Variants in LSM3 observed in about 807,000 individuals in gnomAD.
LSM3 encodes the protein U6 snRNA-associated Sm-like protein LSm3.
In LSM3, 14 loss-of-function variants were observed where a neutral mutation model predicts 15.4. The observed-to-expected ratio is 0.91, with a 90% CI of 0.60 to 1.42. The LOEUF (loss-of-function observed/expected upper bound fraction) is 1.42, where lower values mean the gene tolerates loss of function less well. LSM3 is among the 40% of genes most tolerant of loss of function. The probability of loss-of-function intolerance (pLI) is 0.00; values close to 1 mark genes in which losing one functional copy is unlikely to be tolerated. For synonymous variants in LSM3, 46 were observed against 45.1 expected (o/e 1.02, Z -0.08); for missense variants, 88 against 127.9 (o/e 0.69, Z 1.50).
intron 2 of LSM3, among the ~76,000 whole-genome samples, chr3:14,182,929 C>T (rs528384867): frequency 8.8e-4 from 134 of 152,230 alleles, no homozygotes; most frequent in South Asian, 1.7e-3. Context: ...AGATAAAGAA[C>T]CTCTGGGCTT....
intron 1 of LSM3, 117 bp downstream of exon 1, chr3:14,178,998 A>G: frequency 8.8e-7 from 1 of 1,142,796 alleles, no homozygotes; most frequent in Non-Finnish European, 1.3e-6. Context: ...GGCCTAATCC[A>G]CCCTGTCCTT....
At chr3:14,187,327 C>T (rs1049000085) in intron 3 of LSM3, among the ~76,000 whole-genome samples, 5 of 152,312 alleles carry the variant, frequency 3.3e-5, no homozygotes, top group East Asian at 1.9e-4. Flanking sequence ...CTGCGTGCTG[C>T]GTGCATGTGG....
intron 3 of LSM3, among the ~76,000 whole-genome samples, chr3:14,190,574 C>G (rs955507577): frequency 2.6e-5 from 4 of 152,260 alleles, no homozygotes; most frequent in African/African-American, 9.6e-5. Flanking sequence ...TGGGAGTTCA[C>G]TCATAATTTG....
intron 3 of LSM3, among the ~76,000 whole-genome samples, chr3:14,191,412 CT>C (rs1332608515): frequency 6.6e-6 from 1 of 152,126 alleles, no homozygotes; most frequent in Non-Finnish European, 1.5e-5. Flanking sequence ...CTGTCTGGTC[CT>C]GGACTTTTTT....
At chr3:14,193,879 AGCCTTTTTGT>A (rs1312947003) in intron 3 of LSM3, among the ~76,000 whole-genome samples, 4 of 152,152 alleles carry the variant, frequency 2.6e-5, no homozygotes, top group Admixed American at 2.0e-4. Context: ...TGGAATTTTC[AGCCTTTTTGT>A]GCTGGTTTTT....
At chr3:14,180,916 T>C (rs1697032144) in intron 1 of LSM3, among the ~76,000 whole-genome samples, 1 of 141,764 alleles carries the variant, frequency 7.1e-6, no homozygotes, top group African/African-American at 2.6e-5. Context: ...AGTGGCACGA[T>C]CTTGGCTCAC....
intron 3 of LSM3, among the ~76,000 whole-genome samples, chr3:14,185,423 CTA>C (rs1428721422): frequency 6.6e-6 from 1 of 152,098 alleles, no homozygotes; most frequent in Non-Finnish European, 1.5e-5. Context: ...TGAACAATAA[CTA>C]TTTTCTAAAA....
intron 1 of LSM3, among the ~76,000 whole-genome samples, chr3:14,180,956 A>G (rs932211212): frequency 4.7e-5 from 7 of 148,562 alleles, no homozygotes; most frequent in African/African-American, 1.5e-4. Context: ...GGCTCAAGCA[A>G]TCCTCCCACC....
rs908657885 is a variant in LSM3, at chr3:14,198,968, A to C, written c.*852A>C. The C allele has an allele frequency of 1.3e-5, 2 of 152,192 alleles. No homozygotes were observed. The highest frequency in any genetic ancestry group is 2.9e-5 in the Non-Finnish European group (2 of 68,052). 9.4% of individuals were successfully genotyped at this position (152,192 alleles called of 1,614,324 possible). Reference sequence around the variant, plus strand: ...GCTGATAGAATCATGCACATGCAGGATGCCATAGGAGCATGGGGAAGAGCA... The same window carrying C: ...GCTGATAGAATCATGCACATGCAGGCTGCCATAGGAGCATGGGGAAGAGCA... On this transcript the variant is annotated 3_prime_UTR_variant, in exon 4 of 4. Coordinates refer to ENST00000306024, the MANE Select transcript of LSM3 (RefSeq NM_014463.3).
At chr3:14,196,166 C>G (rs1336699756) in intron 3 of LSM3, among the ~76,000 whole-genome samples, 1 of 151,884 alleles carries the variant, frequency 6.6e-6, no homozygotes, top group East Asian at 1.9e-4. Flanking sequence ...ACCGTGTTAG[C>G]CAGGATGGTC....
At chr3:14,197,378 A>G (rs778422747) in intron 3 of LSM3, among the ~76,000 whole-genome samples, 6 of 152,248 alleles carry the variant, frequency 3.9e-5, no homozygotes, top group Non-Finnish European at 7.3e-5. Context: ...TATTTTGCCA[A>G]GGCATAATAT....
Position 14,200,189 on chromosome 3 carries a change from A to G in LSM3, c.*2073A>G, listed in dbSNP as rs1697221920. The G allele has an allele frequency of 6.6e-6, 1 of 152,168 alleles. No individual in the cohort carries two copies. Among genetic ancestry groups the G allele is most frequent in the South Asian group, 2.1e-4 (1 of 4,832 alleles). 9.4% of individuals were successfully genotyped at this position (152,168 alleles called of 1,614,324 possible). A position where few individuals can be genotyped will look rare whatever the true frequency, so the allele number is the denominator to read the frequency against. The stretch of plus-strand genomic sequence containing the variant: ...ATGCACACACAACTAAAACATACCA[A>G]CCTACTTCATTTCCTAGCTGCTAAG... On this transcript the variant is annotated 3_prime_UTR_variant, in exon 4 of 4. Coordinates refer to ENST00000306024, the MANE Select transcript of LSM3 (RefSeq NM_014463.3).
chr3:14,185,380 A>T (rs559752115), intron 3 of LSM3, among the ~76,000 whole-genome samples: 80 of 151,950 alleles, frequency 5.3e-4, no homozygotes, highest in African/African-American at 1.9e-3. Flanking sequence ...ACAAAAAAAA[A>T]CCTATCACGT....
chr3:14,184,966 A>T (rs563136833), intron 3 of LSM3, among the ~76,000 whole-genome samples: 1 of 152,224 alleles, frequency 6.6e-6, no homozygotes, highest in Admixed American at 6.5e-5. Context: ...CTGAGGCAGG[A>T]GAACTGCTTG....
intron 3 of LSM3, among the ~76,000 whole-genome samples, chr3:14,188,171 A>C (rs749070175): frequency 6.6e-6 from 1 of 152,224 alleles, no homozygotes; most frequent in Non-Finnish European, 1.5e-5. Flanking sequence ...TATGAGCCAC[A>C]TGTGGCTATT....
intron 3 of LSM3, among the ~76,000 whole-genome samples, chr3:14,195,256 C>T (rs1697178216): frequency 6.6e-6 from 1 of 152,094 alleles, no homozygotes; most frequent in South Asian, 2.1e-4. Flanking sequence ...AGGTACTACA[C>T]CTCTTCTTAA....
chr3:14,182,452 TC>T (rs1463385776), intron 2 of LSM3, among the ~76,000 whole-genome samples: 1 of 152,226 alleles, frequency 6.6e-6, no homozygotes, highest in East Asian at 1.9e-4. Context: ...CGATTTTTTT[TC>T]ATTTCTTGCT....
chr3:14,200,903 G>C lies in LSM3; in HGVS notation c.*2787G>C, dbSNP rs74449271. 7.0e-3 allele frequency: 1,072 copies of C among 152,214 alleles called. 3 individuals carry two copies. The highest frequency in any genetic ancestry group is 0.01 in the Non-Finnish European group (706 of 68,024). 9.4% of individuals were successfully genotyped at this position (152,214 alleles called of 1,614,324 possible). A position where few individuals can be genotyped will look rare whatever the true frequency, so the allele number is the denominator to read the frequency against. Reference sequence around the variant, plus strand: ...ACTCAACCACTAAGGAGACTGAGGCGGGAGGATTACTTGAGCCCAGGAGTT... The same window carrying C: ...ACTCAACCACTAAGGAGACTGAGGCCGGAGGATTACTTGAGCCCAGGAGTT... On this transcript the variant is annotated 3_prime_UTR_variant, in exon 4 of 4. Coordinates refer to ENST00000306024, the MANE Select transcript of LSM3 (RefSeq NM_014463.3).
intron 3 of LSM3, among the ~76,000 whole-genome samples, chr3:14,187,084 C>T (rs1366325708): frequency 6.6e-6 from 1 of 152,194 alleles, no homozygotes; most frequent in African/African-American, 2.4e-5. Context: ...GAGAAGGGAA[C>T]ACTGCCACTT....
Sources: gnomAD v4.1 joint callset for allele counts (sites outside exome capture counted in the v4.1 genomes callset) on GRCh38, gnomAD v4.1.1 for gene constraint, MANE v1.5 for transcripts, NCBI Gene and HGNC (gene_info 2026-07-23, HGNC 2026-07-21) for gene names.